Variants in AK3 observed in about 807,000 individuals in gnomAD.
The protein encoded by AK3 is adenylate kinase 3.
Under a neutral mutation model 23.7 loss-of-function variants are expected in AK3, and 27 were observed. That is an observed-to-expected ratio of 1.14 (90% CI 0.84 to 1.57). The LOEUF is 1.57. Ranked by LOEUF, AK3 falls within the 40% of genes most tolerant of loss-of-function variation. The probability of loss-of-function intolerance (pLI) is 0.00; values close to 1 mark genes in which losing one functional copy is unlikely to be tolerated. For missense variants in AK3, 406 were observed against 285.6 expected (o/e 1.42, Z -3.04); for synonymous variants, 159 against 116.0 (o/e 1.37, Z -2.38).
chr9:4,730,562 T>C (rs1842129195), intron 1 of AK3, among the ~76,000 whole-genome samples: 1 of 152,076 alleles, frequency 6.6e-6, no homozygotes, highest in Admixed American at 6.6e-5. Flanking sequence ...ATGACCGCAC[T>C]ACTGCACTCC....
chr9:4,730,805 A>C (rs1336441862), intron 1 of AK3, among the ~76,000 whole-genome samples: 6 of 152,192 alleles, frequency 3.9e-5, no homozygotes, highest in Admixed American at 3.9e-4. Context: ...GATGAGAAAG[A>C]ATTGTTATTT....
At position 4,709,879 on chromosome 9, in the gene AK3, C is replaced by A. The variant is rs1841505371; in HGVS notation, c.*3097G>T. The A allele has an allele frequency of 6.6e-6, 1 of 151,916 alleles. No individual in the cohort carries two copies. Among genetic ancestry groups the A allele is most frequent in the African/African-American group, 2.4e-5 (1 of 41,348 alleles). 9.4% of individuals were successfully genotyped at this position (151,916 alleles called of 1,614,324 possible). On this transcript the variant is annotated 3_prime_UTR_variant, in exon 5 of 5. Transcript: ENST00000381809. Reference sequence around the variant, plus strand: ...CACAACATATTCTAAAATACAAATTCTTGCTGTTGGTTGCAACTATAGCAA... The same window carrying A: ...CACAACATATTCTAAAATACAAATTATTGCTGTTGGTTGCAACTATAGCAA...
In AK3 at chr9:4,713,072, G is replaced by A. The variant is rs773707269; in HGVS notation, c.588C>T (p.Phe196=). ...AAATCTTGTTGGTTTCTGTTCCGGA[G>A]AATGTTTCCAGCACCCCTTTTTTCC... is the stretch of plus-strand genomic sequence containing the variant. ...YYQKKGVLET[F]SGTETNKIWP... Residue 196 remains phenylalanine, a synonymous_variant, in exon 5 of 5, where the codon TTC becomes TTT. Transcript: ENST00000381809. The A allele has an allele frequency of 2.9e-5, 46 of 1,613,546 alleles. 1 individual carries two copies. In the East Asian group the frequency reaches 1.0e-3, roughly 35 times the overall value.
At chr9:4,730,309 C>A (rs1274325913) in intron 1 of AK3, among the ~76,000 whole-genome samples, 1 of 152,062 alleles carries the variant, frequency 6.6e-6, no homozygotes, top group Non-Finnish European at 1.5e-5. Flanking sequence ...ATACACTTTA[C>A]AAGGGCTAAT....
intron 4 of AK3, among the ~76,000 whole-genome samples, chr9:4,717,484 C>A (rs1841768161): frequency 6.6e-6 from 1 of 152,204 alleles, no homozygotes; most frequent in Non-Finnish European, 1.5e-5. Context: ...CACACCATAG[C>A]ATCCTGTATT....
chr9:4,715,829 C>T (rs903482967), intron 4 of AK3, among the ~76,000 whole-genome samples: 2 of 152,208 alleles, frequency 1.3e-5, no homozygotes, highest in Non-Finnish European at 2.9e-5. Context: ...CTCCCTTCCT[C>T]TGGTTACCTT....
chr9:4,733,578 T>C (rs1262157062), intron 1 of AK3, among the ~76,000 whole-genome samples: 1 of 152,178 alleles, frequency 6.6e-6, no homozygotes, highest in East Asian at 1.9e-4. Context: ...TGACCATTGT[T>C]CCTCCCGCTC....
In AK3 at chr9:4,712,280, C is replaced by A. The variant is rs1436209204; in HGVS notation, c.*696G>T. 1 of 152,086 alleles carries A rather than the reference C, an allele frequency of 6.6e-6. No homozygotes were observed. Among genetic ancestry groups the A allele is most frequent in the Non-Finnish European group, 1.5e-5 (1 of 68,006 alleles). The allele number at this position is 152,086 out of a possible 1,614,324, so 9.4% of individuals were successfully genotyped here. A position where few individuals can be genotyped will look rare whatever the true frequency, so the allele number is the denominator to read the frequency against. On this transcript the variant is annotated 3_prime_UTR_variant, in exon 5 of 5. Transcript: ENST00000381809. ...GTCAATTTTTGACACAAATCATAAC[C>A]CTCAGTACACAGGTATTTTCAAAGG...
intron 1 of AK3, among the ~76,000 whole-genome samples, chr9:4,726,892 C>T (rs10116645): frequency 0.039 from 5,919 of 151,994 alleles, 371 homozygotes; most frequent in African/African-American, 0.13. Flanking sequence ...CTCCTTGATG[C>T]GTGGGCTACA....
At position 4,719,478 on chromosome 9, in the gene AK3, G is replaced by T. The variant is rs142739851; in HGVS notation, c.272-171C>A. 2.1e-3 allele frequency among the ~76,000 whole-genome samples: 313 copies of T among 152,282 alleles called. 1 individual carries two copies. Among genetic ancestry groups the T allele is most frequent in the African/African-American group, 7.3e-3 (303 of 41,558 alleles). On this transcript the variant is annotated intron_variant, in intron 2 of 4. Coordinates refer to ENST00000381809, the MANE Select transcript of AK3 (RefSeq NM_016282.4). ...ATCACAGCTGCGGTGCAACTGTGAT[G>T]GTTACCTGTCAACTTGACTGGGGCA...
Position 4,718,554 on chromosome 9 carries a change from G to A in AK3, c.445-17C>T. Reference sequence around the variant, plus strand: ...ATCAATGCCCTAAACAGGATTAGAAGAGACTAGTATCAGATATCATATTTC... The same window carrying A: ...ATCAATGCCCTAAACAGGATTAGAAAAGACTAGTATCAGATATCATATTTC... On this transcript the variant is annotated splice_polypyrimidine_tract_variant and intron_variant, in intron 3 of 4. Coordinates refer to ENST00000381809, the MANE Select transcript of AK3 (RefSeq NM_016282.4). 1 of 1,511,460 alleles carries A rather than the reference G, an allele frequency of 6.6e-7. No individual in the cohort carries two copies. The highest frequency in any genetic ancestry group is 1.7e-5 in the Admixed American group (1 of 59,368). The allele number at this position is 1,511,460 out of a possible 1,614,324, so 93.6% of individuals were successfully genotyped here. A position where few individuals can be genotyped will look rare whatever the true frequency, so the allele number is the denominator to read the frequency against.
intron 1 of AK3, among the ~76,000 whole-genome samples, chr9:4,734,321 A>AATTAT (rs1842220575): frequency 4.0e-5 from 2 of 50,372 alleles, no homozygotes; most frequent in Non-Finnish European, 1.0e-4. Context: ...TAAGAAAATA[A>AATTAT]GCCCCCTAGT....
chr9:4,738,953 G>C (rs1445898836), intron 1 of AK3, among the ~76,000 whole-genome samples: 3 of 151,316 alleles, frequency 2.0e-5, no homozygotes, highest in Admixed American at 1.3e-4. Context: ...TTGTATTTTT[G>C]GTAGAGACGG....
In AK3 at chr9:4,710,179, T is replaced by G. The variant is rs1841513847; in HGVS notation, c.*2797A>C. The G allele has an allele frequency of 6.6e-6, 1 of 152,122 alleles. No individual in the cohort carries two copies. The highest frequency in any genetic ancestry group is 6.5e-5 in the Admixed American group (1 of 15,272). The allele number at this position is 152,122 out of a possible 1,614,324, so 9.4% of individuals were successfully genotyped here. A position where few individuals can be genotyped will look rare whatever the true frequency, so the allele number is the denominator to read the frequency against. ...AGGTATAGCAAAATAACTTTTACTC[T>G]ATAAAATAAATCAGTTGAGGTGCTG... On this transcript the variant is annotated 3_prime_UTR_variant, in exon 5 of 5. Coordinates refer to ENST00000381809, the MANE Select transcript of AK3 (RefSeq NM_016282.4).
intron 4 of AK3, among the ~76,000 whole-genome samples, chr9:4,715,977 C>T (rs555970680): frequency 4.6e-5 from 7 of 152,244 alleles, no homozygotes; most frequent in African/African-American, 1.4e-4. Flanking sequence ...AGGCTCTTTG[C>T]TGCTGGGGTT....
chr9:4,735,478 A>ATATTTTTTT (rs1295633089), intron 1 of AK3, among the ~76,000 whole-genome samples: 1 of 62,598 alleles, frequency 1.6e-5, no homozygotes, highest in Non-Finnish European at 2.9e-5. Context: ...ATATATATAT[A>ATATTTTTTT]TTTTTTTTTT....
chr9:4,729,823 CTG>C (rs1356041159), intron 1 of AK3, among the ~76,000 whole-genome samples: 1 of 138,610 alleles, frequency 7.2e-6, no homozygotes, highest in African/African-American at 2.6e-5. Flanking sequence ...AGAGAAGAGA[CTG>C]TGTCTCTTAA....
At chr9:4,728,986 T>TACACACACAC (rs775316557) in intron 1 of AK3, among the ~76,000 whole-genome samples, 9 of 84,100 alleles carry the variant, frequency 1.1e-4, no homozygotes, top group African/African-American at 2.9e-4. Context: ...TACATATATA[T>TACACACACAC]ACACACACAC....
At position 4,711,803 on chromosome 9, in the gene AK3, C is replaced by A. The variant is rs1327102080; in HGVS notation, c.*1173G>T. 2.0e-5 allele frequency: 3 copies of A among 152,168 alleles called. No homozygotes were observed. The highest frequency in any genetic ancestry group is 7.2e-5 in the African/African-American group (3 of 41,430). The allele number at this position is 152,168 out of a possible 1,614,324, so 9.4% of individuals were successfully genotyped here. A position where few individuals can be genotyped will look rare whatever the true frequency, so the allele number is the denominator to read the frequency against. ...AGACGACACCAATAGAGTTCTTTCT[C>A]CTTAAAATATGGTGGCAGTGAATGC... On this transcript the variant is annotated 3_prime_UTR_variant, in exon 5 of 5. Transcript: ENST00000381809.
Sources: gnomAD v4.1 joint callset for allele counts (sites outside exome capture counted in the v4.1 genomes callset) on GRCh38, gnomAD v4.1.1 for gene constraint, MANE v1.5 for transcripts, NCBI Gene and HGNC (gene_info 2026-07-23, HGNC 2026-07-21) for gene names.